The following GABRB2 variants were observed in gnomAD, a reference collection of about 807,000 sequenced individuals.
GABRB2 encodes the protein gamma-aminobutyric acid type A receptor subunit beta2.
GABRB2 carries 16 observed loss-of-function variants against 54.7 expected under a neutral mutation model. The observed-to-expected ratio is 0.29, with a 90% CI of 0.20 to 0.44. The LOEUF (loss-of-function observed/expected upper bound fraction) is 0.44, where lower values mean the gene tolerates loss of function less well. GABRB2 is among the 20% of genes least tolerant of loss of function. The probability of loss-of-function intolerance (pLI) is 1.00; values close to 1 mark genes in which losing one functional copy is unlikely to be tolerated. For missense variants in GABRB2, 355 were observed against 644.0 expected, an observed-to-expected ratio of 0.55 and a Z score of 4.86; for synonymous variants, 244 against 233.8, an observed-to-expected ratio of 1.04 and a Z score of -0.40.
At chr5:161,328,680 A>G (rs1163442383) in intron 8 of GABRB2, among the ~76,000 whole-genome samples, 2 of 152,208 alleles carry the variant, frequency 1.3e-5, no homozygotes, top group African/African-American at 2.4e-5. Flanking sequence ...TTTAGACGAC[A>G]AGGATATTAT....
At chr5:161,312,597 C>T (rs1212142966) in intron 9 of GABRB2, among the ~76,000 whole-genome samples, 1 of 152,152 alleles carries the variant, frequency 6.6e-6, no homozygotes, top group Non-Finnish European at 1.5e-5. Context: ...TGAATGAATA[C>T]GTTACTTTTC....
chr5:161,495,137 G>A (rs1759194860), intron 3 of GABRB2, among the ~76,000 whole-genome samples: 1 of 151,754 alleles, frequency 6.6e-6, no homozygotes, highest in African/African-American at 2.4e-5. Flanking sequence ...TTCATATTTT[G>A]AACACTTAAA....
intron 5 of GABRB2, among the ~76,000 whole-genome samples, chr5:161,363,358 TCA>T (rs1359377429): frequency 7.9e-5 from 12 of 151,874 alleles, no homozygotes; most frequent in Non-Finnish European, 1.2e-4. Flanking sequence ...GAGGGGAACA[TCA>T]CACACTGGTG....
rs1008958507 is a variant in GABRB2 at position 161,531,120 on chromosome 5, G to A, written c.237+14107C>T. Among the ~76,000 whole-genome samples the A allele has an allele frequency of 5.3e-5, 8 of 152,066 alleles. 1 individual carries two copies. The highest frequency in any genetic ancestry group is 7.4e-5 in the Non-Finnish European group (5 of 68,004). On this transcript the variant is annotated intron_variant, in intron 3 of 9. Transcript: ENST00000393959. The stretch of plus-strand genomic sequence containing the variant: ...TAAATTGTGTTTTTTGGAGTATGGT[G>A]GCTTGAACAACGAAAGGCACACAGA...
At chr5:161,318,154 A>G (rs1448872143) in intron 9 of GABRB2, among the ~76,000 whole-genome samples, 1 of 152,046 alleles carries the variant, frequency 6.6e-6, no homozygotes, top group Non-Finnish European at 1.5e-5. Flanking sequence ...AGAAAACAAT[A>G]TGGTCACTGT....
chr5:161,303,303 G>C (rs1757590011), intron 9 of GABRB2, among the ~76,000 whole-genome samples: 1 of 152,194 alleles, frequency 6.6e-6, no homozygotes, highest in Admixed American at 6.5e-5. Context: ...TTGGCTCTAA[G>C]ATATGATGCT....
In GABRB2 at chr5:161,449,827, G is replaced by A. The variant is rs560418460; in HGVS notation, c.458+9797C>T. Among the ~76,000 whole-genome samples the A allele has an allele frequency of 4.6e-5, 7 of 151,718 alleles. No homozygotes were observed. The East Asian group carries it at 5.8e-4, about 13-fold the overall frequency. ...TAGCAACAATTTTAAACATCTACTG[G>A]GAAATACTTTGCTAAAAAAAAAATA... On this transcript the variant is annotated intron_variant, in intron 4 of 9. Coordinates refer to ENST00000393959, the MANE Select transcript of GABRB2 (RefSeq NM_001371727.1).
At chr5:161,450,015 T>C (rs2113232904) in intron 4 of GABRB2, among the ~76,000 whole-genome samples, 1 of 152,322 alleles carries the variant, frequency 6.6e-6, no homozygotes, top group Non-Finnish European at 1.5e-5. Context: ...TAAAATATCC[T>C]CAATGGATTT....
chr5:161,423,729 G>A (rs1234236551), intron 4 of GABRB2, among the ~76,000 whole-genome samples: 1 of 152,052 alleles, frequency 6.6e-6, no homozygotes, highest in Non-Finnish European at 1.5e-5. Context: ...GTGTTCTAGT[G>A]AAAGAAAGAT....
chr5:161,450,315 G>A (rs1202627934), intron 4 of GABRB2, among the ~76,000 whole-genome samples: 2 of 151,974 alleles, frequency 1.3e-5, no homozygotes, highest in Non-Finnish European at 2.9e-5. Context: ...ACCAGAACAT[G>A]ATGGGTCAGA....
At chr5:161,343,241 T>G (rs1406316148) in intron 5 of GABRB2, among the ~76,000 whole-genome samples, 1 of 152,026 alleles carries the variant, frequency 6.6e-6, no homozygotes, top group Non-Finnish European at 1.5e-5. Flanking sequence ...GTCAAATCAT[T>G]TCTAGACCTC....
intron 4 of GABRB2, among the ~76,000 whole-genome samples, chr5:161,432,794 C>G (rs1757205472): frequency 6.6e-6 from 1 of 152,080 alleles, no homozygotes; most frequent in Non-Finnish European, 1.5e-5. Flanking sequence ...CTGCTGTTCC[C>G]CGAGAGTCAC....
chr5:161,353,727 CA>C (rs886690617), intron 5 of GABRB2, among the ~76,000 whole-genome samples: 1 of 151,894 alleles, frequency 6.6e-6, no homozygotes, highest in Non-Finnish European at 1.5e-5. Context: ...CTGACCCTAC[CA>C]AACTAAATCA....
chr5:161,411,233 A>G (rs1196084970), intron 4 of GABRB2, among the ~76,000 whole-genome samples, 176 bp from the exon 5 acceptor site: 1 of 152,208 alleles, frequency 6.6e-6, no homozygotes, highest in African/African-American at 2.4e-5. Flanking sequence ...CAGAAGATAG[A>G]GACTGGACTA....
At chr5:161,476,006 T>A (rs990941070) in intron 3 of GABRB2, among the ~76,000 whole-genome samples, 1 of 151,974 alleles carries the variant, frequency 6.6e-6, no homozygotes, top group Admixed American at 6.6e-5. Context: ...AAATAATCTC[T>A]GTTTGCAGAT....
intron 5 of GABRB2, among the ~76,000 whole-genome samples, chr5:161,356,688 AGAACAATGAATCGCAGGTGCCATG>A (rs1754640221): frequency 6.6e-6 from 1 of 152,170 alleles, no homozygotes; most frequent in African/African-American, 2.4e-5. Flanking sequence ...ACACAGTGGC[AGAACAATGAATCGCAGGTGCCATG>A]GAAAACGTGC....
chr5:161,399,884 T>C (rs1367987628), intron 5 of GABRB2, among the ~76,000 whole-genome samples: 1 of 152,086 alleles, frequency 6.6e-6, no homozygotes, highest in Non-Finnish European at 1.5e-5. Context: ...CAGCACAAGA[T>C]CTGGCACAAA....
intron 5 of GABRB2, among the ~76,000 whole-genome samples, chr5:161,389,700 A>G (rs530148329): frequency 6.6e-6 from 1 of 151,846 alleles, no homozygotes; most frequent in African/African-American, 2.4e-5. Context: ...TGCTGAGGAA[A>G]TCTTTTTTCT....
intron 4 of GABRB2, among the ~76,000 whole-genome samples, chr5:161,455,566 T>C (rs935263972): frequency 1.3e-5 from 2 of 150,388 alleles, no homozygotes; most frequent in African/African-American, 4.9e-5. Flanking sequence ...GGTACGGCTC[T>C]GTCATCCAGG....
Sources: allele counts gnomAD v4.1 joint callset (sites outside exome capture counted in the v4.1 genomes callset), GRCh38; gene constraint gnomAD v4.1.1; transcripts MANE v1.5; gene names NCBI Gene and HGNC (gene_info 2026-07-23, HGNC 2026-07-21).